BNIP3L: variants seen among roughly 807,000 people sequenced by gnomAD.
BNIP3L encodes the protein BCL2/adenovirus E1B 19 kDa protein-interacting protein 3-like.
BNIP3L carries 10 observed loss-of-function variants against 25.5 expected under a neutral mutation model. The ratio of observed to expected loss-of-function variants is 0.39; its 90% CI spans 0.24 to 0.67. The LOEUF (loss-of-function observed/expected upper bound fraction) is 0.67. Among genes scored for constraint, BNIP3L ranks in the 30% least tolerant of loss-of-function variants. The pLI is 0.45. For synonymous variants in BNIP3L, 113 were observed against 101.2 expected, an observed-to-expected ratio of 1.12 and a Z score of -0.70; for missense variants, 215 against 270.9, an observed-to-expected ratio of 0.79 and a Z score of 1.45.
intron 3 of BNIP3L, chr8:26,395,647 C>T (rs920711771): frequency 1.8e-4 from 41 of 223,686 alleles, no homozygotes; most frequent in Admixed American, 7.1e-4. Context: ...GGAACAGCTC[C>T]GGTCTACAGC....
At chr8:26,407,264 C>T (rs1040528172) in intron 3 of BNIP3L, among the ~76,000 whole-genome samples, 1 of 152,018 alleles carries the variant, frequency 6.6e-6, no homozygotes, top group Non-Finnish European at 1.5e-5. Flanking sequence ...CTGCTCACTG[C>T]AAGCTCCGCC....
intron 2 of BNIP3L, among the ~76,000 whole-genome samples, chr8:26,394,880 C>T (rs1433024748): frequency 2.6e-5 from 4 of 152,182 alleles, no homozygotes; most frequent in Admixed American, 1.3e-4. Context: ...AGAAAAAGAA[C>T]TCTGAAGTTC....
chr8:26,391,125 C>G (rs1290323909), intron 1 of BNIP3L, 118 bp from the exon 2 acceptor site: 1 of 804,938 alleles, frequency 1.2e-6, no homozygotes, highest in African/African-American at 1.8e-5. Flanking sequence ...CTTCAGAATA[C>G]TTTTACATTT....
chr8:26,404,608 G>A (rs1806458594), intron 3 of BNIP3L, among the ~76,000 whole-genome samples: 1 of 152,144 alleles, frequency 6.6e-6, no homozygotes, highest in African/African-American at 2.4e-5. Context: ...TCTGTTTCCA[G>A]GTGGTTCTGC....
chr8:26,408,418 A>G, intron 5 of BNIP3L, 42 bp downstream of exon 5: 6 of 1,565,098 alleles, frequency 3.8e-6, no homozygotes, highest in Non-Finnish European at 5.2e-6. Context: ...CATTCATTTT[A>G]TCCTCTTATT....
At chr8:26,406,577 T>C (rs1303341618) in intron 3 of BNIP3L, among the ~76,000 whole-genome samples, 1 of 152,160 alleles carries the variant, frequency 6.6e-6, no homozygotes, top group Non-Finnish European at 1.5e-5. Context: ...CCCAGCACTT[T>C]GGGAGGCTGA....
intron 3 of BNIP3L, among the ~76,000 whole-genome samples, chr8:26,402,197 T>C (rs1427220110): frequency 6.6e-6 from 1 of 152,216 alleles, no homozygotes; most frequent in Non-Finnish European, 1.5e-5. Flanking sequence ...TCGAAAATCT[T>C]TGGATTCAAC....
intron 2 of BNIP3L, among the ~76,000 whole-genome samples, chr8:26,393,429 G>C (rs964165549): frequency 2.7e-5 from 4 of 148,708 alleles, no homozygotes; most frequent in African/African-American, 1.0e-4. Context: ...AAAAATGGCA[G>C]CACATGGACT....
intron 3 of BNIP3L, among the ~76,000 whole-genome samples, chr8:26,401,569 A>C (rs1208436812): frequency 2.6e-5 from 4 of 151,412 alleles, no homozygotes; most frequent in Non-Finnish European, 5.9e-5. Context: ...ATTAAAAAAA[A>C]AAAACAAAAA....
rs1446006920 is a variant in BNIP3L at position 26,398,120 on chromosome 8, G to A, written c.357+2818G>A. On this transcript the variant is annotated intron_variant, in intron 3 of 5. Transcript: ENST00000380629. ...ATTGAACTCAGCTCTGCACCAAGCAGACCTAATAGACGTCTACAGAACTCT... is the reference window on the plus strand; with the variant it reads ...ATTGAACTCAGCTCTGCACCAAGCAAACCTAATAGACGTCTACAGAACTCT... Among the ~76,000 whole-genome samples, 5 of 92,190 alleles carry A rather than the reference G, an allele frequency of 5.4e-5. 1 individual carries two copies. The Middle Eastern group carries it at 0.017, about 305-fold the overall frequency. The allele number at this position is 92,190 out of a possible 152,430, so 60.5% of individuals were successfully genotyped here.
intron 5 of BNIP3L, among the ~76,000 whole-genome samples, chr8:26,409,468 A>T (rs1314647880): frequency 6.6e-6 from 1 of 152,176 alleles, no homozygotes; most frequent in African/African-American, 2.4e-5. Flanking sequence ...AGCTTTCCAC[A>T]CACCCGTCTT....
chr8:26,396,499 G>A (rs1418033621), intron 3 of BNIP3L, among the ~76,000 whole-genome samples: 5 of 120,646 alleles, frequency 4.1e-5, no homozygotes, highest in Non-Finnish European at 8.5e-5. Flanking sequence ...AAGACCAAAA[G>A]TAGATAAAAC....
Position 26,410,534 on chromosome 8 carries a change from C to T in BNIP3L, c.*122C>T, listed in dbSNP as rs1189577004. 1 of 1,073,850 alleles carries T rather than the reference C, an allele frequency of 9.3e-7. No homozygotes were observed. Among genetic ancestry groups the T allele is most frequent in the Non-Finnish European group, 1.4e-6 (1 of 706,916 alleles). The allele number at this position is 1,073,850 out of a possible 1,614,324, so 66.5% of individuals were successfully genotyped here. A position where few individuals can be genotyped will look rare whatever the true frequency, so the allele number is the denominator to read the frequency against. ...ACCTACCACCCTGTTTTTACATATC[C>T]AATTCCAGTAACTCTCAAATTCAAT... On this transcript the variant is annotated 3_prime_UTR_variant, in exon 6 of 6. Coordinates refer to ENST00000380629, the MANE Select transcript of BNIP3L (RefSeq NM_004331.3).
intron 1 of BNIP3L, 175 bp downstream of exon 1, chr8:26,383,405 C>G (rs1424173572): frequency 7.5e-5 from 107 of 1,434,292 alleles, no homozygotes; most frequent in Non-Finnish European, 9.5e-5. Context: ...GCCTGCCTTG[C>G]TCCGGGCCTC....
chr8:26,392,572 C>T (rs940498899), intron 2 of BNIP3L, among the ~76,000 whole-genome samples: 1 of 152,104 alleles, frequency 6.6e-6, no homozygotes, highest in Admixed American at 6.5e-5. Context: ...TGTGCACCCC[C>T]GCCACCCCCG....
At chr8:26,400,096 T>C (rs1172859433) in intron 3 of BNIP3L, among the ~76,000 whole-genome samples, 27 of 150,198 alleles carry the variant, frequency 1.8e-4, no homozygotes, top group South Asian at 6.3e-4. Flanking sequence ...AAAAAGAGCC[T>C]GCATCGCCAA....
rs189824788 is a variant in BNIP3L at position 26,390,313 on chromosome 8, A to T, written c.101-930A>T. Reference sequence around the variant, plus strand: ...TTTAGCAAACTCATCAGACCAATAAATATTTTCAAGATGTATGCAGAATTA... The same window carrying T: ...TTTAGCAAACTCATCAGACCAATAATTATTTTCAAGATGTATGCAGAATTA... On this transcript the variant is annotated intron_variant, in intron 1 of 5. Coordinates refer to ENST00000380629, the MANE Select transcript of BNIP3L (RefSeq NM_004331.3). 4,645 of 968,990 alleles carry T rather than the reference A, an allele frequency of 4.8e-3. 31 individuals are homozygous for T. Among genetic ancestry groups the T allele is most frequent in the South Asian group, 0.029 (613 of 20,920 alleles). The allele number at this position is 968,990 out of a possible 1,614,324, so 60.0% of individuals were successfully genotyped here. A position where few individuals can be genotyped will look rare whatever the true frequency, so the allele number is the denominator to read the frequency against.
intron 3 of BNIP3L, among the ~76,000 whole-genome samples, chr8:26,400,220 T>C (rs1806339001): frequency 6.6e-6 from 1 of 151,852 alleles, no homozygotes; most frequent in African/African-American, 2.4e-5. Context: ...AACATAGATA[T>C]AGATCAATGG....
At chr8:26,393,975 G>T (rs1005502697) in intron 2 of BNIP3L, among the ~76,000 whole-genome samples, 3 of 152,020 alleles carry the variant, frequency 2.0e-5, no homozygotes. Flanking sequence ...TCTCACCAAC[G>T]TCTCTATACA....
Sources: gnomAD v4.1 joint callset for allele counts (sites outside exome capture counted in the v4.1 genomes callset) on GRCh38, gnomAD v4.1.1 for gene constraint, MANE v1.5 for transcripts, NCBI Gene and HGNC (gene_info 2026-07-23, HGNC 2026-07-21) for gene names.